KCNK12: variants seen among roughly 807,000 people sequenced by gnomAD.
The protein encoded by KCNK12 is potassium channel subfamily K member 12.
KCNK12 carries 6 observed loss-of-function variants against 25.3 expected under a neutral mutation model. The ratio of observed to expected loss-of-function variants is 0.24; its 90% CI spans 0.13 to 0.47. KCNK12 has a LOEUF of 0.47. Ranked by LOEUF, KCNK12 falls within the 20% of genes least tolerant of loss-of-function variation. The probability of loss-of-function intolerance (pLI) is 0.99; values close to 1 mark genes in which losing one functional copy is unlikely to be tolerated. For synonymous variants in KCNK12, 331 were observed against 311.1 expected (o/e 1.06, Z -0.67); for missense variants, 444 against 661.7 (o/e 0.67, Z 3.61).
intron 1 of KCNK12, among the ~76,000 whole-genome samples, chr2:47,535,570 G>A (rs1203877689): frequency 1.3e-5 from 2 of 152,270 alleles, no homozygotes; most frequent in African/African-American, 4.8e-5. Flanking sequence ...GAGGGATGGT[G>A]GGGACTGAAT....
At chr2:47,532,705 T>C (rs1668961016) in intron 1 of KCNK12, among the ~76,000 whole-genome samples, 1 of 152,210 alleles carries the variant, frequency 6.6e-6, no homozygotes, top group South Asian at 2.1e-4. Flanking sequence ...ACAGGAGCTT[T>C]GTGAAGTGAG....
Position 47,529,325 on chromosome 2 carries a change from C to T in KCNK12, c.392-7517G>A, listed in dbSNP as rs558027423. Among the ~76,000 whole-genome samples, 2 of 152,212 alleles carry T rather than the reference C, an allele frequency of 1.3e-5. No individual in the cohort carries two copies. The highest frequency in any genetic ancestry group is 4.8e-5 in the African/African-American group (2 of 41,524). The stretch of plus-strand genomic sequence containing the variant: ...TATTTAGTGGGTCAGAAAATGGGCC[C>T]AGGAATTTCATTTTAACAAATGTCT... On this transcript the variant is annotated intron_variant, in intron 1 of 1. Transcript: ENST00000327876. The surrounding 1 kb of genome is among the most constrained non-coding windows in gnomAD (Gnocchi z 4.3).
chr2:47,525,693 G>A lies in KCNK12; in HGVS notation c.392-3885C>T, dbSNP rs1041172807. Among the ~76,000 whole-genome samples, 2 of 152,178 alleles carry A rather than the reference G, an allele frequency of 1.3e-5. No individual in the cohort carries two copies. Among genetic ancestry groups the A allele is most frequent in the African/African-American group, 4.8e-5 (2 of 41,450 alleles). On this transcript the variant is annotated intron_variant, in intron 1 of 1. Coordinates refer to ENST00000327876, the MANE Select transcript of KCNK12 (RefSeq NM_022055.2). This position sits in a 1 kb window ranked among gnomAD's most constrained non-coding sequence, Gnocchi z 4.1. The stretch of plus-strand genomic sequence containing the variant: ...CAAGAGGGCTGCCTGCTGGAGCAAG[G>A]GGGCCCTAGGAAGAAGAGGCTGAGG...
Position 47,529,534 on chromosome 2 carries a change from A to T in KCNK12, c.392-7726T>A, listed in dbSNP as rs2104762537. 6.6e-6 allele frequency among the ~76,000 whole-genome samples: 1 copy of T among 152,318 alleles called. No individual in the cohort carries two copies. Among genetic ancestry groups the T allele is most frequent in the East Asian group, 1.9e-4 (1 of 5,194 alleles). On this transcript the variant is annotated intron_variant, in intron 1 of 1. Coordinates refer to ENST00000327876, the MANE Select transcript of KCNK12 (RefSeq NM_022055.2). This position sits in a 1 kb window ranked among gnomAD's most constrained non-coding sequence, Gnocchi z 4.3. ...CACTGCAGCTCTCTCCTTACCAATC[A>T]TTCTCCCAGCCTGTACTATATTGAG...
Position 47,510,338 on chromosome 2 carries a change from C to A in KCNK12, c.*10569G>T, listed in dbSNP as rs1299556403. The A allele has an allele frequency of 6.6e-6, 1 of 152,162 alleles. No homozygotes were observed. Among genetic ancestry groups the A allele is most frequent in the Non-Finnish European group, 1.5e-5 (1 of 68,014 alleles). The allele number at this position is 152,162 out of a possible 1,614,324, so 9.4% of individuals were successfully genotyped here. On this transcript the variant is annotated 3_prime_UTR_variant, in exon 2 of 2. Coordinates refer to ENST00000327876, the MANE Select transcript of KCNK12 (RefSeq NM_022055.2). ...TTCTGGTTATGGTAATGAAATAAAC[C>A]TTGATTTTTATTCCTTAAAACTACC...
chr2:47,523,472 G>A (rs778338946), intron 1 of KCNK12, among the ~76,000 whole-genome samples: 13 of 152,230 alleles, frequency 8.5e-5, no homozygotes, highest in Non-Finnish European at 1.6e-4. Flanking sequence ...ATACAACTGC[G>A]TATTGCTTCA....
In KCNK12 at chr2:47,514,866, C is replaced by A. The variant is rs144243884; in HGVS notation, c.*6041G>T. On this transcript the variant is annotated 3_prime_UTR_variant, in exon 2 of 2. Transcript: ENST00000327876. This position sits in a 1 kb window ranked among gnomAD's most constrained non-coding sequence, Gnocchi z 5.0. ...GGCTAAAGTGATCCACTTGTCTCAG[C>A]CTCCCAAAGTGCTGGGATTATAGAC... is the stretch of plus-strand genomic sequence containing the variant. Among the ~76,000 whole-genome samples, 248 of 152,268 alleles carry A rather than the reference C, an allele frequency of 1.6e-3. No individual in the cohort carries two copies. The highest frequency in any genetic ancestry group is 7.9e-3 in the East Asian group (41 of 5,186).
chr2:47,526,562 G>A (rs565498344), intron 1 of KCNK12, among the ~76,000 whole-genome samples: 24 of 152,168 alleles, frequency 1.6e-4, no homozygotes, highest in Admixed American at 9.2e-4. Flanking sequence ...GCGAAACTCC[G>A]TTTATACTAA....
rs1442399860 is a variant in KCNK12 at position 47,521,235 on chromosome 2, C to A, written c.965G>T (p.Cys322Phe). Reference protein sequence around the residue: ...KLSCRCCARCCPAPGAPLARR... With the variant: ...KLSCRCCARCFPAPGAPLARR... Reference sequence around the variant, plus strand: ...GGCCAGGGGCGCGCCAGGAGCCGGGCAGCAGCGCGCGCAGCAGCGGCAGCT... The same window carrying A: ...GGCCAGGGGCGCGCCAGGAGCCGGGAAGCAGCGCGCGCAGCAGCGGCAGCT... The change falls in exon 2 of 2, where the codon TGC becomes TTC. Residue 322 changes from cysteine (C) to phenylalanine (F), a missense_variant. By Grantham distance (205) the Cys-to-Phe change is radical (BLOSUM62 -2). This residue lies in a region of KCNK12 where 69 missense variants were observed against 81.7 expected (regional missense o/e 0.84). Transcript: ENST00000327876. The A allele has an allele frequency of 3.1e-6, 5 of 1,601,774 alleles. No homozygotes were observed. In the African/African-American group the frequency reaches 6.7e-5, roughly 21 times the overall value.
intron 1 of KCNK12, among the ~76,000 whole-genome samples, chr2:47,553,331 C>CACT (rs1669478988): frequency 6.6e-6 from 1 of 152,194 alleles, no homozygotes; most frequent in Non-Finnish European, 1.5e-5. Context: ...TATAGCAGTT[C>CACT]AGAGCTGAAT....
intron 1 of KCNK12, among the ~76,000 whole-genome samples, chr2:47,531,570 A>G (rs1422137191): frequency 6.6e-6 from 1 of 152,108 alleles, no homozygotes; most frequent in Non-Finnish European, 1.5e-5. Context: ...TGCAGTGCCC[A>G]GGGCCACTGG....
chr2:47,562,440 A>G lies in KCNK12; in HGVS notation c.391+7501T>C. On this transcript the variant is annotated intron_variant, in intron 1 of 1. Transcript: ENST00000327876. The surrounding 1 kb of genome is among the most constrained non-coding windows in gnomAD (Gnocchi z 4.8). Reference sequence around the variant, plus strand: ...TTCTAAGGGCCCAGGCACACCAGTTACCACTGACCTGCTAGTAAGCCAGGA... The same window carrying G: ...TTCTAAGGGCCCAGGCACACCAGTTGCCACTGACCTGCTAGTAAGCCAGGA... 1 of 275,474 alleles carries G rather than the reference A, an allele frequency of 3.6e-6. No homozygotes were observed. The highest frequency in any genetic ancestry group is 6.8e-6 in the Non-Finnish European group (1 of 147,048). The allele number at this position is 275,474 out of a possible 1,614,324, so 17.1% of individuals were successfully genotyped here. A position where few individuals can be genotyped will look rare whatever the true frequency, so the allele number is the denominator to read the frequency against.
In KCNK12 at chr2:47,521,030, CG is replaced by C; in HGVS notation, c.1169del (p.Ser390TrpfsTer30). 1 of 1,399,756 alleles carries C rather than the reference CG, an allele frequency of 7.1e-7. No homozygotes were observed. Among genetic ancestry groups the C allele is most frequent in the Non-Finnish European group, 9.3e-7 (1 of 1,073,210 alleles). 86.7% of individuals were successfully genotyped at this position (1,399,756 alleles called of 1,614,324 possible). A position where few individuals can be genotyped will look rare whatever the true frequency, so the allele number is the denominator to read the frequency against. On this transcript the variant is annotated frameshift_variant, in exon 2 of 2. Transcript: ENST00000327876. LOFTEE classifies it high-confidence loss of function. ...VSLALLQKQL[S>X]ETANGYPRSV... ...TGCGCGGGTAGCCGTTGGCCGTCTC[CG>C]ACAGCTGCTTCTGCAGCAGCGCCAG...
intron 1 of KCNK12, among the ~76,000 whole-genome samples, chr2:47,527,145 C>T (rs1237243612): frequency 1.3e-5 from 2 of 152,322 alleles, no homozygotes; most frequent in East Asian, 1.9e-4. Context: ...ATTCTGAGGG[C>T]ACCAAGGAAG....
At chr2:47,549,639 A>T (rs1288255022) in intron 1 of KCNK12, among the ~76,000 whole-genome samples, 1 of 152,180 alleles carries the variant, frequency 6.6e-6, no homozygotes, top group African/African-American at 2.4e-5. Context: ...ATATCTCGAG[A>T]TGAAAAATAT....
chr2:47,558,649 C>T (rs1669598735), intron 1 of KCNK12, among the ~76,000 whole-genome samples: 1 of 152,164 alleles, frequency 6.6e-6, no homozygotes, highest in Non-Finnish European at 1.5e-5. Flanking sequence ...GAATTCAGAA[C>T]ACTTGGCAGC....
intron 1 of KCNK12, among the ~76,000 whole-genome samples, chr2:47,532,533 C>CT (rs1668957252): frequency 1.3e-5 from 2 of 152,074 alleles, no homozygotes; most frequent in Non-Finnish European, 2.9e-5. Flanking sequence ...GGCAACCGTT[C>CT]TTTTGTTGCT....
chr2:47,526,990 G>A (rs754848073), intron 1 of KCNK12, among the ~76,000 whole-genome samples: 1 of 152,178 alleles, frequency 6.6e-6, no homozygotes, highest in African/African-American at 2.4e-5. Context: ...GGGGAGAACA[G>A]CTCCATTCAA....
At position 47,570,780 on chromosome 2, in the gene KCNK12, G is replaced by T. The variant is rs1184220175; in HGVS notation, c.-449C>A. The T allele has an allele frequency of 1.3e-5, 2 of 152,674 alleles. No homozygotes were observed. The highest frequency in any genetic ancestry group is 2.4e-5 in the African/African-American group (1 of 41,452). 9.5% of individuals were successfully genotyped at this position (152,674 alleles called of 1,614,324 possible). A position where few individuals can be genotyped will look rare whatever the true frequency, so the allele number is the denominator to read the frequency against. ...CCTAGGACCGGGACGCGGCAGCAAG[G>T]CGTGGAGAGAGCCCCCGGGGGCGTC... On this transcript the variant is annotated 5_prime_UTR_variant, in exon 1 of 2. Coordinates refer to ENST00000327876, the MANE Select transcript of KCNK12 (RefSeq NM_022055.2).
Sources: gnomAD v4.1 joint callset for allele counts (sites outside exome capture counted in the v4.1 genomes callset) on GRCh38, gnomAD v4.1.1 for gene constraint, gnomAD v4.1.1 regional missense constraint, Gnocchi (gnomAD v3.1) non-coding constraint, MANE v1.5 for transcripts, NCBI Gene and HGNC (gene_info 2026-07-23, HGNC 2026-07-21) for gene names.